Variants in GRM3 observed in about 807,000 individuals in gnomAD.
GRM3 encodes metabotropic glutamate receptor 3.
In GRM3, 26 loss-of-function variants were observed where a neutral mutation model predicts 70.5. The observed-to-expected ratio is 0.37, with a 90% CI of 0.27 to 0.51. GRM3 has a LOEUF of 0.51. GRM3 is among the 20% of genes least tolerant of loss of function. The pLI is 0.93. For missense variants in GRM3, 859 were observed against 1,123.8 expected (o/e 0.76, Z 3.37); for synonymous variants, 443 against 434.9 (o/e 1.02, Z -0.23).
chr7:86,714,275 T>G (rs1054320694), intron 1 of GRM3, among the ~76,000 whole-genome samples: 1 of 152,054 alleles, frequency 6.6e-6, no homozygotes, highest in South Asian at 2.1e-4. Flanking sequence ...TTTCATGTGA[T>G]GTAACTATAC....
intron 1 of GRM3, among the ~76,000 whole-genome samples, chr7:86,650,945 A>G (rs1793588764): frequency 6.6e-6 from 1 of 152,326 alleles, no homozygotes; most frequent in Non-Finnish European, 1.5e-5. Flanking sequence ...TCTTTATGTT[A>G]GAAAACTCTC....
At chr7:86,645,984 C>CG (rs1210765764) in intron 1 of GRM3, among the ~76,000 whole-genome samples, 3 of 12,762 alleles carry the variant, frequency 2.4e-4, no homozygotes, top group Non-Finnish European at 3.2e-4. Flanking sequence ...TTGTGGTGGG[C>CG]GGGGGGGTGG....
chr7:86,715,742 A>G (rs2116197154), intron 1 of GRM3, among the ~76,000 whole-genome samples: 1 of 152,160 alleles, frequency 6.6e-6, no homozygotes, highest in South Asian at 2.1e-4. Flanking sequence ...AGCAATTCTA[A>G]TAACTCTTGA....
chr7:86,859,093 G>A (rs1039652573), intron 5 of GRM3, among the ~76,000 whole-genome samples: 8 of 151,930 alleles, frequency 5.3e-5, no homozygotes, highest in Non-Finnish European at 8.8e-5. Flanking sequence ...GTCATCCTGC[G>A]ACCTCAGCAC....
At chr7:86,833,751 T>C (rs1798402283) in intron 3 of GRM3, among the ~76,000 whole-genome samples, 1 of 152,220 alleles carries the variant, frequency 6.6e-6, no homozygotes, top group Admixed American at 6.5e-5. Flanking sequence ...TTCTTTCCCA[T>C]TCTAGTACAG....
intron 3 of GRM3, among the ~76,000 whole-genome samples, chr7:86,826,754 C>T (rs1798242133): frequency 6.6e-6 from 1 of 152,158 alleles, no homozygotes; most frequent in African/African-American, 2.4e-5. Flanking sequence ...GCACTATTGA[C>T]ATTTTGGGCC....
chr7:86,759,300 G>A (rs186468508), intron 1 of GRM3, among the ~76,000 whole-genome samples: 7 of 152,002 alleles, frequency 4.6e-5, no homozygotes, highest in Admixed American at 2.0e-4. Context: ...AAAATCAACC[G>A]GCAATTCAGC....
At chr7:86,829,458 C>A (rs373580768) in intron 3 of GRM3, among the ~76,000 whole-genome samples, 2 of 152,190 alleles carry the variant, frequency 1.3e-5, no homozygotes, top group Non-Finnish European at 2.9e-5. Context: ...TTGAGCTTAT[C>A]TCAGCTTTCA....
chr7:86,714,028 T>C (rs957174509), intron 1 of GRM3, among the ~76,000 whole-genome samples: 7 of 151,958 alleles, frequency 4.6e-5, no homozygotes, highest in African/African-American at 1.7e-4. Flanking sequence ...AACTCTGACA[T>C]ACAGCTATGC....
intron 1 of GRM3, among the ~76,000 whole-genome samples, chr7:86,652,908 CAT>C (rs1168403290): frequency 6.6e-6 from 1 of 152,166 alleles, no homozygotes; most frequent in African/African-American, 2.4e-5. Context: ...AAACGAATGT[CAT>C]ATAGATTGAA....
At chr7:86,753,875 A>G (rs2116370310) in intron 1 of GRM3, among the ~76,000 whole-genome samples, 1 of 152,206 alleles carries the variant, frequency 6.6e-6, no homozygotes, top group East Asian at 1.9e-4. Flanking sequence ...TCTGTGATGT[A>G]AGCGCTCTCA....
intron 1 of GRM3, among the ~76,000 whole-genome samples, chr7:86,693,026 G>C (rs1017384039): frequency 6.6e-6 from 1 of 152,128 alleles, no homozygotes; most frequent in Non-Finnish European, 1.5e-5. Context: ...AATATGAGCA[G>C]GTCCAGATAG....
chr7:86,770,849 A>G (rs1260861012), intron 2 of GRM3, among the ~76,000 whole-genome samples: 1 of 152,056 alleles, frequency 6.6e-6, no homozygotes, highest in Non-Finnish European at 1.5e-5. Flanking sequence ...CTGTGGACAA[A>G]TAGGTTGACT....
chr7:86,688,759 C>T (rs115798108), intron 1 of GRM3, among the ~76,000 whole-genome samples: 3 of 147,122 alleles, frequency 2.0e-5, no homozygotes, highest in Admixed American at 6.8e-5. Flanking sequence ...ATATATATAT[C>T]TCTCACATAT....
intron 1 of GRM3, among the ~76,000 whole-genome samples, chr7:86,716,131 C>T (rs1387495766): frequency 6.6e-6 from 1 of 151,898 alleles, no homozygotes; most frequent in African/African-American, 2.4e-5. Context: ...GATAAAGATC[C>T]TCAAATGTAT....
chr7:86,671,754 T>C (rs1241770021), intron 1 of GRM3, among the ~76,000 whole-genome samples: 1 of 152,200 alleles, frequency 6.6e-6, no homozygotes, highest in Non-Finnish European at 1.5e-5. Context: ...TCTCAGATAA[T>C]TAGTCCTGCT....
intron 2 of GRM3, among the ~76,000 whole-genome samples, chr7:86,773,430 TCA>T (rs1221016027): frequency 1.3e-5 from 2 of 152,014 alleles, no homozygotes; most frequent in Admixed American, 1.3e-4. Context: ...GAATTGAGAC[TCA>T]CAGAGGTCAA....
chr7:86,826,041 A>T (rs1018479733), intron 3 of GRM3, among the ~76,000 whole-genome samples: 4 of 152,144 alleles, frequency 2.6e-5, no homozygotes, highest in African/African-American at 9.7e-5. Flanking sequence ...TTTCTAGCCA[A>T]CTTTGTTTGG....
At chr7:86,692,841 TA>T (rs916446927) in intron 1 of GRM3, among the ~76,000 whole-genome samples, 2 of 152,172 alleles carry the variant, frequency 1.3e-5, no homozygotes, top group Non-Finnish European at 2.9e-5. Flanking sequence ...AGAAAAGTAT[TA>T]AAGAAGTAAT....
Sources: gnomAD v4.1 joint callset for allele counts (sites outside exome capture counted in the v4.1 genomes callset) on GRCh38, gnomAD v4.1.1 for gene constraint, MANE v1.5 for transcripts, NCBI Gene and HGNC (gene_info 2026-07-23, HGNC 2026-07-21) for gene names.